Variants in ZBTB7C observed in about 807,000 individuals in gnomAD.
ZBTB7C encodes zinc finger and BTB domain containing 7C, also known as zinc finger and BTB domain-containing protein 7C.
A neutral mutation model predicts 25.7 loss-of-function variants in ZBTB7C; 8 were observed. The ratio of observed to expected loss-of-function variants is 0.31; its 90% CI spans 0.18 to 0.56. The LOEUF is 0.56. Ranked by LOEUF, ZBTB7C falls within the 20% of genes least tolerant of loss-of-function variation. The pLI, the probability that ZBTB7C is intolerant of heterozygous loss-of-function variation, is 0.91. For synonymous variants in ZBTB7C, 394 were observed against 369.0 expected (o/e 1.07, Z -0.78); for missense variants, 824 against 855.2 (o/e 0.96, Z 0.46).
At chr18:48,195,783 A>G (rs1201001759) in intron 2 of ZBTB7C, among the ~76,000 whole-genome samples, 2 of 152,184 alleles carry the variant, frequency 1.3e-5, no homozygotes, top group African/African-American at 2.4e-5. Context: ...ACTCAACAGC[A>G]TTTTTAAAAA....
intron 1 of ZBTB7C, among the ~76,000 whole-genome samples, chr18:48,347,069 C>T (rs1160324993): frequency 6.6e-6 from 1 of 151,864 alleles, no homozygotes; most frequent in Non-Finnish European, 1.5e-5. Context: ...AGGCATGAGC[C>T]ACCACGCTGG....
At chr18:48,063,308 C>T (rs2037195319) in intron 3 of ZBTB7C, among the ~76,000 whole-genome samples, 1 of 152,240 alleles carries the variant, frequency 6.6e-6, no homozygotes, top group South Asian at 2.1e-4. Flanking sequence ...GGGCTTTTCC[C>T]CCCCAGCTTA....
rs373561157 is a variant in ZBTB7C at position 48,335,750 on chromosome 18, T to C, written c.-79+2424A>G. Among the ~76,000 whole-genome samples, 45 of 152,344 alleles carry C rather than the reference T, an allele frequency of 3.0e-4. 4 individuals are homozygous for C. Among genetic ancestry groups the C allele is most frequent in the East Asian group, 1.3e-3 (7 of 5,192 alleles). ...TACAAGTACAGAATACACTGTAGAC[T>C]TCAAACACTTTGTATGAAAAGAATG... On this transcript the variant is annotated intron_variant, in intron 2 of 4. Transcript: ENST00000590800.
intron 2 of ZBTB7C, among the ~76,000 whole-genome samples, chr18:48,241,493 G>T (rs2043523253): frequency 6.6e-6 from 1 of 152,022 alleles, no homozygotes; most frequent in Admixed American, 6.5e-5. Context: ...AAACAGAAAT[G>T]ATATCAAGTA....
intron 3 of ZBTB7C, chr18:48,137,255 AG>A: frequency 1.0e-6 from 1 of 985,484 alleles, no homozygotes; most frequent in Non-Finnish European, 1.2e-6. Flanking sequence ...TGTTAAGCGC[AG>A]GACAGGACGA....
intron 2 of ZBTB7C, among the ~76,000 whole-genome samples, chr18:48,191,299 T>C (rs2042189204): frequency 6.6e-6 from 1 of 152,174 alleles, no homozygotes; most frequent in South Asian, 2.1e-4. Context: ...CCATGATGCT[T>C]GGTGGTTCAG....
chr18:48,315,681 G>A (rs949201), intron 2 of ZBTB7C, among the ~76,000 whole-genome samples: 88,745 of 151,982 alleles, frequency 0.58, 26,390 homozygotes, highest in East Asian at 0.79. Context: ...CCTCATGGGC[G>A]TGGATAGATC....
At chr18:48,274,261 C>A (rs2044578743) in intron 2 of ZBTB7C, among the ~76,000 whole-genome samples, 1 of 152,234 alleles carries the variant, frequency 6.6e-6, no homozygotes, top group Non-Finnish European at 1.5e-5. Context: ...AGCTGCTTCC[C>A]ATCTTCCAAA....
chr18:48,332,149 G>A lies in ZBTB7C; in HGVS notation c.-79+6025C>T, dbSNP rs956865322. On this transcript the variant is annotated intron_variant, in intron 2 of 4. Coordinates refer to ENST00000590800, the MANE Select transcript of ZBTB7C (RefSeq NM_001318841.2). ...GACTCATCGATTGCATTTGGTTGGT[G>A]CATCTATTAAGATTCTCTCAGTCTA... Among the ~76,000 whole-genome samples the A allele has an allele frequency of 2.6e-5, 4 of 152,304 alleles. No homozygotes were observed. The East Asian group carries it at 7.7e-4, about 29-fold the overall frequency.
At chr18:48,367,202 T>TATATATATATACAC (rs1302394192) in intron 1 of ZBTB7C, among the ~76,000 whole-genome samples, 21 of 63,390 alleles carry the variant, frequency 3.3e-4, no homozygotes, top group Admixed American at 1.3e-3. Flanking sequence ...TATATATATA[T>TATATATATATACAC]ACACACACAC....
intron 1 of ZBTB7C, among the ~76,000 whole-genome samples, chr18:48,351,771 G>A (rs1018634680): frequency 6.6e-6 from 1 of 152,170 alleles, no homozygotes; most frequent in Non-Finnish European, 1.5e-5. Flanking sequence ...GCCAGAGCCA[G>A]GCCTACGGAA....
upstream of ZBTB7C, among the ~76,000 whole-genome samples, chr18:48,409,999 G>A (rs1256368767): frequency 1.7e-5 from 2 of 116,746 alleles, no homozygotes; most frequent in Non-Finnish European, 1.6e-5. Flanking sequence ...GCAGAGATGG[G>A]CTCTGCCGAC....
In ZBTB7C at chr18:48,298,704, G is replaced by A. The variant is rs1195641543; in HGVS notation, c.-79+39470C>T. Among the ~76,000 whole-genome samples, 5 of 152,318 alleles carry A rather than the reference G, an allele frequency of 3.3e-5. No individual in the cohort carries two copies. The East Asian group carries it at 9.7e-4, about 29-fold the overall frequency. ...AGGGTGCCCAGCAGGCTGACCCACC[G>A]GAGCCCTCTGGGGTATAGTCTCCCT... is the stretch of plus-strand genomic sequence containing the variant. On this transcript the variant is annotated intron_variant, in intron 2 of 4. Coordinates refer to ENST00000590800, the MANE Select transcript of ZBTB7C (RefSeq NM_001318841.2).
rs1178730786 is a variant in ZBTB7C, at chr18:48,027,822, A to AG, written c.*1437dup. 6.6e-6 allele frequency: 1 copy of AG among 152,148 alleles called. No homozygotes were observed. Among genetic ancestry groups the AG allele is most frequent in the Admixed American group, 6.5e-5 (1 of 15,278 alleles). 9.4% of individuals were successfully genotyped at this position (152,148 alleles called of 1,614,324 possible). The stretch of plus-strand genomic sequence containing the variant: ...CAAAGCAAACTTGGCAAGAAAAGAG[A>AG]GGGGAGGGAAGGAGAGAGAAGGTCA... On this transcript the variant is annotated 3_prime_UTR_variant, in exon 5 of 5. Transcript: ENST00000590800.
At chr18:48,389,242 T>TGTGC (rs2047836284) in intron 1 of ZBTB7C, among the ~76,000 whole-genome samples, 1 of 92,918 alleles carries the variant, frequency 1.1e-5, no homozygotes, top group Non-Finnish European at 2.2e-5. Context: ...CTCTCGTGTG[T>TGTGC]GTGTGTGTGT....
chr18:48,131,464 A>G (rs1209836728), intron 3 of ZBTB7C, among the ~76,000 whole-genome samples: 1 of 152,106 alleles, frequency 6.6e-6, no homozygotes, highest in Non-Finnish European at 1.5e-5. Context: ...TAATGAAAGG[A>G]TAGTTGTTTT....
intron 3 of ZBTB7C, among the ~76,000 whole-genome samples, chr18:48,062,532 C>T (rs1271087435): frequency 2.0e-5 from 3 of 152,204 alleles, no homozygotes; most frequent in African/African-American, 7.2e-5. Context: ...GAGCTGGGCT[C>T]TTTTACACAA....
At chr18:48,368,806 A>AAAGAGAAGAATTATCCACCCAG (rs57505551) in intron 1 of ZBTB7C, among the ~76,000 whole-genome samples, 40,755 of 152,002 alleles carry the variant, frequency 0.27, 5,783 homozygotes, top group Non-Finnish European at 0.31. Context: ...GTGTGAAAAG[A>AAAGAGAAGAATTATCCACCCAG]AATCCTATTT....
intron 3 of ZBTB7C, among the ~76,000 whole-genome samples, chr18:48,103,112 T>TATC (rs371534337): frequency 7.6e-6 from 1 of 130,964 alleles, no homozygotes; most frequent in African/African-American, 2.9e-5. Context: ...ATATTTTATA[T>TATC]TATCTATCTA....
Sources: allele counts gnomAD v4.1 joint callset (sites outside exome capture counted in the v4.1 genomes callset), GRCh38; gene constraint gnomAD v4.1.1; transcripts MANE v1.5; gene names NCBI Gene and HGNC (gene_info 2026-07-23, HGNC 2026-07-21).